The following SAMMSON variants were observed in gnomAD, a reference collection of about 807,000 sequenced individuals.
SAMMSON encodes the protein long intergenic non-protein coding RNA 1212.
intron 4 of SAMMSON, among the ~76,000 whole-genome samples, chr3:70,218,719 A>G (rs1701436334): frequency 6.6e-6 from 1 of 152,160 alleles, no homozygotes. Flanking sequence ...CTTAAAGCCT[A>G]CAAGAGACAC....
At chr3:70,091,296 G>A (rs146607888) in intron 4 of SAMMSON, among the ~76,000 whole-genome samples, 431 of 152,208 alleles carry the variant, frequency 2.8e-3, no homozygotes, top group Non-Finnish European at 3.8e-3. Flanking sequence ...GGTCGCAGCC[G>A]CCTTTCACAC....
At chr3:70,188,874 G>A (rs7653135) in intron 4 of SAMMSON, among the ~76,000 whole-genome samples, 15,002 of 152,232 alleles carry the variant, frequency 0.099, 803 homozygotes, top group South Asian at 0.21. Context: ...TTTGTCTGCA[G>A]TCTGCAACCT....
intron 4 of SAMMSON, among the ~76,000 whole-genome samples, chr3:70,161,946 TTTATAA>T (rs1226172228): frequency 6.6e-6 from 1 of 151,828 alleles, no homozygotes; most frequent in African/African-American, 2.4e-5. Context: ...TTCTTAGTAC[TTTATAA>T]TTATTTTAAT....
intron 4 of SAMMSON, among the ~76,000 whole-genome samples, chr3:70,084,236 C>T: frequency 6.6e-6 from 1 of 152,106 alleles, no homozygotes; most frequent in East Asian, 1.9e-4. Context: ...AATCATTTTG[C>T]CTGGAGACTG....
chr3:70,211,808 C>G (rs981080830), intron 4 of SAMMSON, among the ~76,000 whole-genome samples: 1 of 143,042 alleles, frequency 7.0e-6, no homozygotes, highest in Admixed American at 7.0e-5. Flanking sequence ...CTTTCCTTAC[C>G]CTTCCCTTCC....
chr3:70,403,186 A>ACC (rs938769854), intron 2 of SAMMSON, among the ~76,000 whole-genome samples: 2 of 152,118 alleles, frequency 1.3e-5, no homozygotes, highest in Non-Finnish European at 2.9e-5. Context: ...TTGTGTGCCC[A>ACC]CCCATTCCTA....
chr3:70,206,834 T>G, intron 4 of SAMMSON: 1 of 396,996 alleles, frequency 2.5e-6, no homozygotes, highest in Non-Finnish European at 4.4e-6. Flanking sequence ...CCACTATGGT[T>G]TACGTGACCT....
chr3:70,347,556 T>A (rs894534057), intron 7 of SAMMSON, among the ~76,000 whole-genome samples: 1 of 152,202 alleles, frequency 6.6e-6, no homozygotes, highest in Non-Finnish European at 1.5e-5. Flanking sequence ...GCTCCTCTCA[T>A]CACACACTAG....
At chr3:70,000,077 C>G (rs1038818831) in intron 1 of SAMMSON, among the ~76,000 whole-genome samples, 1 of 152,138 alleles carries the variant, frequency 6.6e-6, no homozygotes, top group African/African-American at 2.4e-5. Flanking sequence ...TCTGTCCTTG[C>G]GATAAGGTAG....
chr3:70,215,401 C>A (rs1237227468), intron 4 of SAMMSON, among the ~76,000 whole-genome samples: 1 of 152,104 alleles, frequency 6.6e-6, no homozygotes, highest in Non-Finnish European at 1.5e-5. Context: ...TGCTTTGTCC[C>A]TTCTGACTTA....
At chr3:70,177,595 A>G (rs1041005813) in intron 4 of SAMMSON, among the ~76,000 whole-genome samples, 3 of 152,172 alleles carry the variant, frequency 2.0e-5, no homozygotes, top group Non-Finnish European at 4.4e-5. Flanking sequence ...GGTGGTCACA[A>G]CCTGGTATGT....
At chr3:70,147,898 A>C (rs576403381) in intron 4 of SAMMSON, among the ~76,000 whole-genome samples, 1 of 152,098 alleles carries the variant, frequency 6.6e-6, no homozygotes, top group African/African-American at 2.4e-5. Flanking sequence ...TAAAAATTAC[A>C]TTTCCAACAA....
intron 4 of SAMMSON, among the ~76,000 whole-genome samples, chr3:70,216,320 T>G (rs1203009866): frequency 4.0e-5 from 6 of 150,554 alleles, no homozygotes; most frequent in African/African-American, 1.2e-4. Flanking sequence ...CTAATTATAA[T>G]TTATATATAT....
intron 9 of SAMMSON, among the ~76,000 whole-genome samples, chr3:70,370,518 T>C (rs1268674990): frequency 6.6e-6 from 1 of 152,142 alleles, no homozygotes; most frequent in Non-Finnish European, 1.5e-5. Flanking sequence ...GGTAAGATGA[T>C]ATCTCATTGT....
At chr3:70,063,361 T>G (rs915913200) in intron 3 of SAMMSON, among the ~76,000 whole-genome samples, 28 of 152,238 alleles carry the variant, frequency 1.8e-4, no homozygotes, top group Admixed American at 1.7e-3. Context: ...CCATTTCCTG[T>G]GATGCCTTCT....
At chr3:70,368,090 C>A (rs185522718) in intron 9 of SAMMSON, among the ~76,000 whole-genome samples, 1 of 151,168 alleles carries the variant, frequency 6.6e-6, no homozygotes, top group Non-Finnish European at 1.5e-5. Context: ...GTGTCTTTTG[C>A]AGAGCAGAAA....
At chr3:70,285,416 T>C (rs1163480843) in intron 6 of SAMMSON, among the ~76,000 whole-genome samples, 2 of 152,086 alleles carry the variant, frequency 1.3e-5, no homozygotes, top group East Asian at 1.9e-4. Flanking sequence ...CATAGTATTC[T>C]ATGGTGTATA....
At chr3:70,352,679 G>C (rs1476166338) in intron 7 of SAMMSON, among the ~76,000 whole-genome samples, 1 of 151,938 alleles carries the variant, frequency 6.6e-6, no homozygotes, top group Non-Finnish European at 1.5e-5. Flanking sequence ...AACACTGTCT[G>C]ATGTGATCTT....
At chr3:70,068,442 A>T (rs544663538) in intron 3 of SAMMSON, 1 of 152,090 alleles carries the variant, frequency 6.6e-6, no homozygotes, top group Non-Finnish European at 1.5e-5. Context: ...ATAGCTTAAG[A>T]CCTGATCCAC....
Sources: allele counts gnomAD v4.1 joint callset (sites outside exome capture counted in the v4.1 genomes callset), GRCh38; gene constraint gnomAD v4.1.1; transcripts MANE v1.5; gene names NCBI Gene and HGNC (gene_info 2026-07-23, HGNC 2026-07-21).